The following NKAPD1 variants were observed in gnomAD, a reference collection of about 807,000 sequenced individuals.
NKAPD1 encodes uncharacterized protein NKAPD1.
NKAPD1 carries 12 observed loss-of-function variants against 30.9 expected under a neutral mutation model. The ratio of observed to expected loss-of-function variants is 0.39; its 90% CI spans 0.25 to 0.63. The LOEUF (loss-of-function observed/expected upper bound fraction) is 0.63. Among genes scored for constraint, NKAPD1 ranks in the 20% least tolerant of loss-of-function variants. The pLI, the probability that NKAPD1 is intolerant of heterozygous loss-of-function variation, is 0.51. For missense variants in NKAPD1, 311 were observed against 344.5 expected, an observed-to-expected ratio of 0.90 and a Z score of 0.77; for synonymous variants, 91 against 113.6, an observed-to-expected ratio of 0.80 and a Z score of 1.26.
chr11:112,083,735 T>C lies in NKAPD1; in HGVS notation c.*763T>C, dbSNP rs1865515422. 6.6e-6 allele frequency: 1 copy of C among 152,622 alleles called. No homozygotes were observed. Among genetic ancestry groups the C allele is most frequent in the Non-Finnish European group, 1.5e-5 (1 of 68,034 alleles). 9.5% of individuals were successfully genotyped at this position (152,622 alleles called of 1,614,324 possible). On this transcript the variant is annotated 3_prime_UTR_variant, in exon 6 of 6. Transcript: ENST00000393047. ...TTGTCATAGATAATCCTGTACCAAA[T>C]GGGGAAGAATTAGGAAATAATCATG...
At position 112,084,705 on chromosome 11, in the gene NKAPD1, G is replaced by A. The variant is rs1403264584; in HGVS notation, c.*1733G>A. ...CTCAGGAAAATGTGCCAGTAGAACAGGCCATCTCCAGGAAATTGGCTCTAT... is the reference window on the plus strand; with the variant it reads ...CTCAGGAAAATGTGCCAGTAGAACAAGCCATCTCCAGGAAATTGGCTCTAT... On this transcript the variant is annotated 3_prime_UTR_variant, in exon 6 of 6. Coordinates refer to ENST00000393047, the MANE Select transcript of NKAPD1 (RefSeq NM_018195.4). 1.3e-5 allele frequency: 2 copies of A among 152,280 alleles called. No individual in the cohort carries two copies. Among genetic ancestry groups the A allele is most frequent in the Non-Finnish European group, 2.9e-5 (2 of 68,024 alleles). The allele number at this position is 152,280 out of a possible 1,614,324, so 9.4% of individuals were successfully genotyped here.
intron 3 of NKAPD1, 123 bp downstream of exon 3, chr11:112,078,438 C>A (rs1865377210): frequency 1.3e-6 from 1 of 769,130 alleles, no homozygotes; most frequent in South Asian, 1.6e-5. Flanking sequence ...AGCCTTCCTT[C>A]TTTCGTAAAT....
rs10812 is a variant in NKAPD1 at position 112,084,778 on chromosome 11, C to T, written c.*1806C>T. The T allele has an allele frequency of 0.28, 41,480 of 147,850 alleles. 7,144 individuals carry two copies. Among genetic ancestry groups the T allele is most frequent in the East Asian group, 0.55 (2,735 of 4,986 alleles). The allele number at this position is 147,850 out of a possible 1,614,324, so 9.2% of individuals were successfully genotyped here. A position where few individuals can be genotyped will look rare whatever the true frequency, so the allele number is the denominator to read the frequency against. On this transcript the variant is annotated 3_prime_UTR_variant, in exon 6 of 6. Transcript: ENST00000393047. Reference sequence around the variant, plus strand: ...TCCCAAGTTAGCAGGCTTGTTCTTTCGCAAGGAATACACATCTTGCCTTTT... The same window carrying T: ...TCCCAAGTTAGCAGGCTTGTTCTTTTGCAAGGAATACACATCTTGCCTTTT...
chr11:112,074,785 C>T lies in NKAPD1; in HGVS notation c.-140C>T, dbSNP rs1361241571. On this transcript the variant is annotated 5_prime_UTR_variant, in exon 1 of 6. The change creates a new upstream start codon in the 5' untranslated region. Coordinates refer to ENST00000393047, the MANE Select transcript of NKAPD1 (RefSeq NM_018195.4). The stretch of plus-strand genomic sequence containing the variant: ...AACCAGTGGGAAGGCTGCGTTTTCA[C>T]GAAGGACTCGGGTGAAGCTGCAGAG... The T allele has an allele frequency of 9.9e-6, 3 of 304,518 alleles. No homozygotes were observed. Among genetic ancestry groups the T allele is most frequent in the Non-Finnish European group, 1.8e-5 (3 of 166,454 alleles). The allele number at this position is 304,518 out of a possible 1,614,324, so 18.9% of individuals were successfully genotyped here.
intron 4 of NKAPD1, 21 bp from the exon 5 acceptor site, chr11:112,081,961 A>G: frequency 5.6e-6 from 9 of 1,606,382 alleles, no homozygotes; most frequent in Non-Finnish European, 7.7e-6. Context: ...TTAACAATAC[A>G]TGTGATGTGT....
At chr11:112,080,202 T>C (rs537130116) in intron 3 of NKAPD1, among the ~76,000 whole-genome samples, 1 of 151,938 alleles carries the variant, frequency 6.6e-6, no homozygotes, top group South Asian at 2.1e-4. Context: ...GCTACTGCAC[T>C]AGGCCTGGTC....
chr11:112,082,828 C>T lies in NKAPD1; in HGVS notation c.738C>T (p.Asp246=). The part of the protein sequence containing the change: ...SSSSEESEER[D]TKKTKRKKRE... ...GTTCTGAGGAAAGTGAGGAAAGAGA[C>T]ACTAAGAAAACCAAAAGGAAAAAGA... Residue 246 remains aspartate (D), a synonymous_variant, in exon 6 of 6, where the codon GAC becomes GAT. Transcript: ENST00000393047. 6.2e-7 allele frequency: 1 copy of T among 1,613,828 alleles called. No individual in the cohort carries two copies. The highest frequency in any genetic ancestry group is 1.3e-5 in the African/African-American group (1 of 74,924).
intron 1 of NKAPD1, among the ~76,000 whole-genome samples, chr11:112,075,160 G>A (rs1865289526): frequency 6.6e-6 from 1 of 152,330 alleles, no homozygotes; most frequent in African/African-American, 2.4e-5. Context: ...GGGATTGGAG[G>A]TTTGATTTTT....
intron 3 of NKAPD1, among the ~76,000 whole-genome samples, chr11:112,079,369 C>A (rs1865396810): frequency 6.6e-6 from 1 of 152,088 alleles, no homozygotes; most frequent in East Asian, 1.9e-4. Flanking sequence ...TGGTCTTGAA[C>A]TCCTGAGCTC....
chr11:112,082,486 C>A lies in NKAPD1; in HGVS notation c.396C>A (p.Thr132=). The change falls in exon 6 of 6, where the codon ACC becomes ACA. Residue 132 remains threonine (T), a synonymous_variant. Coordinates refer to ENST00000393047, the MANE Select transcript of NKAPD1 (RefSeq NM_018195.4). ...TTAGTAGTGATCAGCAAGATATTAC[C>A]AACGGGAAGAAAACATCTCCCCAGG... ...ETDSSDQQDI[T]NGKKTSPQVK... The A allele has an allele frequency of 6.3e-7, 1 of 1,582,638 alleles. No homozygotes were observed. Among genetic ancestry groups the A allele is most frequent in the South Asian group, 1.2e-5 (1 of 84,414 alleles).
Position 112,082,543 on chromosome 11 carries a change from C to G in NKAPD1, c.453C>G (p.His151Gln), listed in dbSNP as rs781062396. 6.2e-7 allele frequency: 1 copy of G among 1,610,468 alleles called. No homozygotes were observed. Among genetic ancestry groups the G allele is most frequent in the Non-Finnish European group, 8.5e-7 (1 of 1,179,332 alleles). Residue 151 changes from histidine to glutamine, a missense_variant, in exon 6 of 6, where the codon CAC becomes CAG. Coordinates refer to ENST00000393047, the MANE Select transcript of NKAPD1 (RefSeq NM_018195.4). The part of the protein sequence containing the change: ...VKSSTHESRK[H>Q]KKSKKSHKKK... ...CATCTACCCATGAATCCCGCAAACA[C>G]AAGAAGTCAAAGAAATCCCACAAAA...
chr11:112,074,380 T>C lies in NKAPD1; in HGVS notation c.-545T>C. The C allele has an allele frequency of 2.5e-6, 1 of 399,086 alleles. No individual in the cohort carries two copies. 24.7% of individuals were successfully genotyped at this position (399,086 alleles called of 1,614,324 possible). ...CACGGTATGGGTGTGTTTGTGTGTA[T>C]TTGTGTGGGGAGGGCGTTTGGAGGG... On this transcript the variant is annotated 5_prime_UTR_variant, in exon 1 of 6. Coordinates refer to ENST00000393047, the MANE Select transcript of NKAPD1 (RefSeq NM_018195.4).
chr11:112,078,241 A>C lies in NKAPD1; in HGVS notation c.96A>C (p.Lys32Asn). ...NKIQEESDMW[K>N]IRELEKQMED... ...TTCAGGAGGAATCAGATATGTGGAAAATAAGAGAACTGGAAAAACAGATGG... is the reference window on the plus strand; with the variant it reads ...TTCAGGAGGAATCAGATATGTGGAACATAAGAGAACTGGAAAAACAGATGG... The change falls in exon 3 of 6, where the codon AAA (lysine) becomes AAC (asparagine). Residue 32 changes from lysine (K) to asparagine (N), a missense_variant. Transcript: ENST00000393047. 1 of 1,612,400 alleles carries C rather than the reference A, an allele frequency of 6.2e-7. No individual in the cohort carries two copies. The highest frequency in any genetic ancestry group is 8.5e-7 in the Non-Finnish European group (1 of 1,179,112).
intron 4 of NKAPD1, chr11:112,080,826 G>C: frequency 2.5e-6 from 1 of 392,824 alleles, no homozygotes; most frequent in Middle Eastern, 7.4e-4. Context: ...AAAACATCAT[G>C]CTAAGTGAGA....
chr11:112,082,428 T>TA (rs1865473436), intron 5 of NKAPD1, 37 bp from the exon 6 acceptor site: 5 of 1,437,238 alleles, frequency 3.5e-6, no homozygotes. Flanking sequence ...GCTTTTTTTT[T>TA]ACATAAAAGC....
In NKAPD1 at chr11:112,075,626, A is replaced by G. The variant is rs1865310781; in HGVS notation, c.52A>G (p.Thr18Ala). The stretch of plus-strand genomic sequence containing the variant: ...CCTCCTGAGGAATGTCATCCGGCAC[A>G]CAGATGCTCACAATAAGGTGGGAGG... ...KVLLRNVIRH[T>A]DAHNKIQEES... is the part of the protein sequence containing the mutation. Residue 18 changes from threonine to alanine, a missense_variant, in exon 2 of 6, where the codon ACA becomes GCA. Coordinates refer to ENST00000393047, the MANE Select transcript of NKAPD1 (RefSeq NM_018195.4). 1 of 1,607,812 alleles carries G rather than the reference A, an allele frequency of 6.2e-7. No homozygotes were observed. The highest frequency in any genetic ancestry group is 8.5e-7 in the Non-Finnish European group (1 of 1,178,424).
Position 112,083,711 on chromosome 11 carries a change from T to A in NKAPD1, c.*739T>A, listed in dbSNP as rs968949517. 3 of 152,652 alleles carry A rather than the reference T, an allele frequency of 2.0e-5. No homozygotes were observed. Among genetic ancestry groups the A allele is most frequent in the Admixed American group, 2.0e-4 (3 of 15,284 alleles). The allele number at this position is 152,652 out of a possible 1,614,324, so 9.5% of individuals were successfully genotyped here. On this transcript the variant is annotated 3_prime_UTR_variant, in exon 6 of 6. Coordinates refer to ENST00000393047, the MANE Select transcript of NKAPD1 (RefSeq NM_018195.4). The stretch of plus-strand genomic sequence containing the variant: ...CTTGTGTTCAAATTATTTCTTCAAT[T>A]GTCATAGATAATCCTGTACCAAATG...
intron 2 of NKAPD1, 51 bp from the exon 3 acceptor site, chr11:112,078,164 T>C: frequency 7.2e-7 from 1 of 1,387,646 alleles, no homozygotes. Flanking sequence ...TTTTCTGTAA[T>C]GTAAAGTTAT....
chr11:112,081,218 G>T lies in NKAPD1; in HGVS notation c.320+660G>T, dbSNP rs765873022. The T allele has an allele frequency of 9.8e-4, 150 of 152,334 alleles. 1 individual carries two copies. Among genetic ancestry groups the T allele is most frequent in the Non-Finnish European group, 1.8e-3 (121 of 68,226 alleles). 9.4% of individuals were successfully genotyped at this position (152,334 alleles called of 1,614,324 possible). A position where few individuals can be genotyped will look rare whatever the true frequency, so the allele number is the denominator to read the frequency against. On this transcript the variant is annotated intron_variant, in intron 4 of 5. Transcript: ENST00000393047. ...CATGCGCCTGTAGTCCCAGCTACTC[G>T]GGAGGCTGAGGCAGGAGAATCACTT... is the stretch of plus-strand genomic sequence containing the variant.
Sources: gnomAD v4.1 joint callset for allele counts (sites outside exome capture counted in the v4.1 genomes callset) on GRCh38, gnomAD v4.1.1 for gene constraint, MANE v1.5 for transcripts, NCBI Gene and HGNC (gene_info 2026-07-23, HGNC 2026-07-21) for gene names.